Variants in TBXAS1 observed in about 807,000 individuals in gnomAD.
The protein encoded by TBXAS1 is thromboxane A synthase 1, also known as thromboxane-A synthase.
A neutral mutation model predicts 60.7 loss-of-function variants in TBXAS1; 48 were observed. That is an observed-to-expected ratio of 0.79 (90% CI 0.63 to 1.01). The LOEUF (loss-of-function observed/expected upper bound fraction) is 1.01. Among genes scored for constraint, TBXAS1 ranks in the 50% least tolerant of loss-of-function variants. The pLI, the probability that TBXAS1 is intolerant of heterozygous loss-of-function variation, is 0.00. For synonymous variants in TBXAS1, 287 were observed against 269.7 expected, an observed-to-expected ratio of 1.06 and a Z score of -0.63; for missense variants, 685 against 686.3, an observed-to-expected ratio of 1.00 and a Z score of 0.02.
intron 1 of TBXAS1, among the ~76,000 whole-genome samples, chr7:139,841,717 C>A (rs1386244783): frequency 6.6e-6 from 1 of 152,110 alleles, no homozygotes; most frequent in Non-Finnish European, 1.5e-5. Context: ...AATGAGAGTA[C>A]GAGGTATGAC....
chr7:140,015,911 T>C (rs1355151232), intron 11 of TBXAS1, 51 bp downstream of exon 11: 2 of 1,611,174 alleles, frequency 1.2e-6, no homozygotes, highest in Admixed American at 1.7e-5. Flanking sequence ...GTGTGTGGGA[T>C]AGAAATTTAC....
chr7:139,957,982 A>G (rs552416342), intron 8 of TBXAS1, among the ~76,000 whole-genome samples: 1 of 152,294 alleles, frequency 6.6e-6, no homozygotes, highest in East Asian at 1.9e-4. Context: ...AGAAGCCTAC[A>G]GCAATGTGTA....
intron 9 of TBXAS1, among the ~76,000 whole-genome samples, chr7:139,968,123 A>G (rs977244118): frequency 3.9e-5 from 6 of 152,170 alleles, no homozygotes; most frequent in Non-Finnish European, 8.8e-5. Context: ...CCTGGCGCAT[A>G]TAAAGATACT....
intron 4 of TBXAS1, among the ~76,000 whole-genome samples, chr7:139,822,243 T>C (rs1001665120): frequency 6.6e-6 from 1 of 152,104 alleles, no homozygotes. Flanking sequence ...TCCTGTTGTC[T>C]GCTTGCTCTC....
At chr7:139,806,036 A>G (rs1203452688) in intron 4 of TBXAS1, among the ~76,000 whole-genome samples, 2 of 137,068 alleles carry the variant, frequency 1.5e-5, no homozygotes, top group Non-Finnish European at 3.1e-5. Flanking sequence ...CTGGGTTCAC[A>G]CCATTCTCCT....
chr7:139,987,687 C>T (rs1277589951), intron 9 of TBXAS1, among the ~76,000 whole-genome samples: 2 of 152,156 alleles, frequency 1.3e-5, no homozygotes, highest in Non-Finnish European at 1.5e-5. Flanking sequence ...CTAATGGAAC[C>T]CTCCCGCCAA....
At chr7:139,948,011 C>T (rs1162258012) in intron 5 of TBXAS1, among the ~76,000 whole-genome samples, 4 of 152,054 alleles carry the variant, frequency 2.6e-5, no homozygotes, top group African/African-American at 4.8e-5. Flanking sequence ...ATTGCTGGCA[C>T]GGGCCACCAC....
intron 4 of TBXAS1, among the ~76,000 whole-genome samples, chr7:139,820,652 G>A (rs1798272877): frequency 6.6e-6 from 1 of 152,094 alleles, no homozygotes; most frequent in Admixed American, 6.6e-5. Flanking sequence ...CTTTTGGAAG[G>A]AAGTAGTGCA....
At position 140,011,303 on chromosome 7, in the gene TBXAS1, A is replaced by T. The variant is rs1004828660; in HGVS notation, c.1226+4121A>T. ...AAAAAAACAAACAAACAAACAAACA[A>T]AAAAAACAGTCCCCTAAACAATGAA... is the stretch of plus-strand genomic sequence containing the variant. On this transcript the variant is annotated intron_variant, in intron 10 of 12. Transcript: ENST00000448866. 9.5e-5 allele frequency among the ~76,000 whole-genome samples: 14 copies of T among 147,276 alleles called. No homozygotes were observed. The Admixed American group carries it at 9.6e-4, about 10-fold the overall frequency.
intron 3 of TBXAS1, among the ~76,000 whole-genome samples, chr7:139,784,520 C>T (rs909881499): frequency 6.6e-6 from 1 of 152,148 alleles, no homozygotes; most frequent in African/African-American, 2.4e-5. Context: ...GTGTTTGGGG[C>T]AGGGGAGGTG....
chr7:139,966,823 G>A (rs1221365692), intron 9 of TBXAS1, among the ~76,000 whole-genome samples: 1 of 152,166 alleles, frequency 6.6e-6, no homozygotes, highest in African/African-American at 2.4e-5. Context: ...GTGGCCTGAG[G>A]ATGCCGCCCT....
intron 5 of TBXAS1, among the ~76,000 whole-genome samples, chr7:139,945,967 C>T (rs1808678040): frequency 6.6e-6 from 1 of 152,186 alleles, no homozygotes; most frequent in African/African-American, 2.4e-5. Flanking sequence ...AGATAAGAAT[C>T]TTGTACTGTG....
intron 1 of TBXAS1, among the ~76,000 whole-genome samples, chr7:139,836,600 T>C (rs1799084349): frequency 6.6e-6 from 1 of 152,212 alleles, no homozygotes; most frequent in Non-Finnish European, 1.5e-5. Context: ...ACTGGGATAA[T>C]TGGCTAGCCA....
chr7:139,985,807 G>A (rs532142678), intron 9 of TBXAS1, among the ~76,000 whole-genome samples: 3 of 152,352 alleles, frequency 2.0e-5, no homozygotes, highest in Admixed American at 2.0e-4. Flanking sequence ...CAGGTGCCCT[G>A]AGGAATGAAT....
intron 4 of TBXAS1, among the ~76,000 whole-genome samples, chr7:139,924,149 G>A (rs1045957136): frequency 5.3e-5 from 8 of 152,246 alleles, no homozygotes; most frequent in Non-Finnish European, 1.0e-4. Flanking sequence ...TTTCTTTGGG[G>A]TATATACCTA....
Position 139,896,582 on chromosome 7 carries a change from A to C in TBXAS1, c.237-14643A>C, listed in dbSNP as rs895460925. On this transcript the variant is annotated intron_variant, in intron 3 of 12. Transcript: ENST00000448866. This position sits in a 1 kb window ranked among gnomAD's most constrained non-coding sequence, Gnocchi z 4.0. ...GCAACATCTGTCAGGCACTGTAGGA[A>C]CTGCTTTCAGTTTATGTGTATTATT... 5.9e-5 allele frequency among the ~76,000 whole-genome samples: 9 copies of C among 152,214 alleles called. No individual in the cohort carries two copies. Among genetic ancestry groups the C allele is most frequent in the Non-Finnish European group, 1.2e-4 (8 of 68,032 alleles).
chr7:139,966,028 A>G (rs1810763901), intron 9 of TBXAS1, among the ~76,000 whole-genome samples: 1 of 152,126 alleles, frequency 6.6e-6, no homozygotes, highest in Non-Finnish European at 1.5e-5. Flanking sequence ...ATGACTTGTT[A>G]TAATTTTCCT....
In TBXAS1 at chr7:139,872,275, C is replaced by T; in HGVS notation, c.130C>T (p.Leu44Phe). ...ATTCTCAAGACTGGAGAAGTTAGGC[C>T]TCAGACATCCCAAGCCTTCTCCTTT... ...SAFSRLEKLG[L>F]RHPKPSPFIG... Residue 44 changes from leucine (L) to phenylalanine (F), a missense_variant, in exon 2 of 13, where the codon CTC becomes TTC. Leu to Phe is a conservative substitution (Grantham distance 22). Transcript: ENST00000448866. The T allele has an allele frequency of 6.2e-7, 1 of 1,614,082 alleles. No homozygotes were observed. Among genetic ancestry groups the T allele is most frequent in the African/African-American group, 1.3e-5 (1 of 75,068 alleles).
chr7:139,812,482 T>G (rs1046504911), intron 4 of TBXAS1, among the ~76,000 whole-genome samples: 1 of 152,090 alleles, frequency 6.6e-6, no homozygotes, highest in African/African-American at 2.4e-5. Flanking sequence ...AGGAAGAAAA[T>G]CTCCTTTGCT....
Sources: gnomAD v4.1 joint callset for allele counts (sites outside exome capture counted in the v4.1 genomes callset) on GRCh38, gnomAD v4.1.1 for gene constraint, Gnocchi (gnomAD v3.1) non-coding constraint, MANE v1.5 for transcripts, NCBI Gene and HGNC (gene_info 2026-07-23, HGNC 2026-07-21) for gene names.